The following ERC2 variants were observed in gnomAD, a reference collection of about 807,000 sequenced individuals.
ERC2 encodes the protein ERC protein 2.
In ERC2, 42 loss-of-function variants were observed where a neutral mutation model predicts 114.8. The ratio of observed to expected loss-of-function variants is 0.37; its 90% CI spans 0.29 to 0.47. The LOEUF is 0.47. Ranked by LOEUF, ERC2 falls within the 20% of genes least tolerant of loss-of-function variation. The probability of loss-of-function intolerance (pLI) is 0.99; values close to 1 mark genes in which losing one functional copy is unlikely to be tolerated. For missense variants in ERC2, 939 were observed against 1,150.7 expected (o/e 0.82, Z 2.66); for synonymous variants, 454 against 425.5 (o/e 1.07, Z -0.82).
At chr3:55,591,510 ATGT>A (rs2057878445) in intron 17 of ERC2, among the ~76,000 whole-genome samples, 1 of 151,820 alleles carries the variant, frequency 6.6e-6, no homozygotes, top group East Asian at 1.9e-4. Flanking sequence ...GGCTTGGAAG[ATGT>A]TGTTATTCAA....
intron 7 of ERC2, among the ~76,000 whole-genome samples, chr3:56,035,780 GT>G (rs1560063610): frequency 6.6e-6 from 1 of 152,120 alleles, no homozygotes; most frequent in African/African-American, 2.4e-5. Flanking sequence ...ATAAATTTCT[GT>G]TCTTTACAAA....
intron 17 of ERC2, among the ~76,000 whole-genome samples, chr3:55,518,202 A>G (rs2107180765): frequency 2.0e-5 from 3 of 152,286 alleles, no homozygotes; most frequent in African/African-American, 7.2e-5. Flanking sequence ...GTCAATTGTT[A>G]CTGTACACAA....
chr3:55,952,454 G>C (rs2067648435), intron 12 of ERC2, among the ~76,000 whole-genome samples: 1 of 151,832 alleles, frequency 6.6e-6, no homozygotes, highest in Non-Finnish European at 1.5e-5. Flanking sequence ...TTATCTTTTG[G>C]TTAGTATAAA....
chr3:55,891,437 ATTTTTTTTTTTTTTT>A (rs869073962), intron 13 of ERC2, among the ~76,000 whole-genome samples: 5 of 86,962 alleles, frequency 5.7e-5, no homozygotes, highest in African/African-American at 2.3e-4. Flanking sequence ...GTCTGGTTCT[ATTTTTTTTTTTTTTT>A]TTTTTTTTTT....
chr3:56,453,984 C>T (rs2062942764), intron 1 of ERC2, among the ~76,000 whole-genome samples: 1 of 152,170 alleles, frequency 6.6e-6, no homozygotes, highest in Admixed American at 6.5e-5. Context: ...AGCATGCCTC[C>T]ACACCAAAAG....
chr3:56,377,937 C>T (rs1452045050), intron 2 of ERC2, among the ~76,000 whole-genome samples: 1 of 151,956 alleles, frequency 6.6e-6, no homozygotes, highest in African/African-American at 2.4e-5. Context: ...AAAATGCAAT[C>T]AATTAAGTGG....
chr3:55,904,978 T>C (rs908525840), intron 13 of ERC2, among the ~76,000 whole-genome samples: 2 of 152,196 alleles, frequency 1.3e-5, no homozygotes, highest in African/African-American at 2.4e-5. Flanking sequence ...GAGCATTTTC[T>C]CCCCAGATGC....
chr3:56,061,720 T>C (rs1328883339), intron 7 of ERC2, among the ~76,000 whole-genome samples: 3 of 152,202 alleles, frequency 2.0e-5, no homozygotes, highest in Admixed American at 6.5e-5. Flanking sequence ...AATTTGAACA[T>C]AGCAAATAAC....
chr3:56,320,357 T>C (rs932030787), intron 2 of ERC2, among the ~76,000 whole-genome samples: 1 of 152,210 alleles, frequency 6.6e-6, no homozygotes, highest in Non-Finnish European at 1.5e-5. Flanking sequence ...TTACTCCAAG[T>C]TCATCTGCCA....
At chr3:55,843,040 C>T (rs898750564) in intron 14 of ERC2, among the ~76,000 whole-genome samples, 7 of 152,194 alleles carry the variant, frequency 4.6e-5, no homozygotes, top group South Asian at 2.1e-4. Flanking sequence ...TCTATAATTA[C>T]GGACATTTAG....
chr3:55,701,341 T>C (rs1042259487), intron 15 of ERC2, among the ~76,000 whole-genome samples: 1 of 152,088 alleles, frequency 6.6e-6, no homozygotes, highest in African/African-American at 2.4e-5. Flanking sequence ...CAATTCTCAA[T>C]CTCTAGGCTT....
chr3:56,255,775 A>G (rs757707892), intron 3 of ERC2, among the ~76,000 whole-genome samples: 1 of 152,184 alleles, frequency 6.6e-6, no homozygotes, highest in African/African-American at 2.4e-5. Context: ...GGGTTGGATA[A>G]GTGCTCTCCT....
intron 3 of ERC2, among the ~76,000 whole-genome samples, chr3:56,287,762 C>T (rs1181684946): frequency 1.3e-5 from 2 of 152,168 alleles, no homozygotes; most frequent in African/African-American, 2.4e-5. Flanking sequence ...AATTTGAATG[C>T]CAGATCCATC....
chr3:55,923,062 G>A (rs1361555641), intron 13 of ERC2, among the ~76,000 whole-genome samples: 2 of 152,104 alleles, frequency 1.3e-5, no homozygotes, highest in Admixed American at 6.6e-5. Flanking sequence ...GCAGGGACTT[G>A]AACAGATATG....
intron 14 of ERC2, among the ~76,000 whole-genome samples, chr3:55,852,081 G>A (rs991317881): frequency 6.6e-6 from 1 of 152,118 alleles, no homozygotes; most frequent in Non-Finnish European, 1.5e-5. Context: ...ATTAGCTGGC[G>A]TGGTGGCGCA....
intron 2 of ERC2, among the ~76,000 whole-genome samples, chr3:56,353,703 T>A (rs1421634831): frequency 6.6e-6 from 1 of 150,648 alleles, no homozygotes; most frequent in Non-Finnish European, 1.5e-5. Flanking sequence ...ATACCTAATG[T>A]AAATGATGAG....
At chr3:56,109,133 A>C (rs946788383) in intron 6 of ERC2, among the ~76,000 whole-genome samples, 6 of 152,078 alleles carry the variant, frequency 3.9e-5, no homozygotes, top group Non-Finnish European at 5.9e-5. Context: ...TAAGCCTAGT[A>C]CCTAATAGTT....
chr3:56,321,885 TG>T, intron 2 of ERC2, among the ~76,000 whole-genome samples: 1 of 152,322 alleles, frequency 6.6e-6, no homozygotes, highest in Middle Eastern at 3.4e-3. Flanking sequence ...CAGATGTAAA[TG>T]CAATAAACTC....
At chr3:56,292,665 G>C (rs2055173017) in intron 3 of ERC2, among the ~76,000 whole-genome samples, 1 of 152,052 alleles carries the variant, frequency 6.6e-6, no homozygotes, top group South Asian at 2.1e-4. Flanking sequence ...CCAGAGTCAG[G>C]CTGATTCAAA....
Sources: gnomAD v4.1 joint callset for allele counts (sites outside exome capture counted in the v4.1 genomes callset) on GRCh38, gnomAD v4.1.1 for gene constraint, MANE v1.5 for transcripts, NCBI Gene and HGNC (gene_info 2026-07-23, HGNC 2026-07-21) for gene names.